The following TTN variants were observed in gnomAD, a reference collection of about 807,000 sequenced individuals.
TTN encodes connectin.
In TTN, 1,525 loss-of-function variants were observed where a neutral mutation model predicts 3,223.0. That is an observed-to-expected ratio of 0.47 (90% CI 0.45 to 0.49). The LOEUF (loss-of-function observed/expected upper bound fraction) is 0.49. Among genes scored for constraint, TTN ranks in the 20% least tolerant of loss-of-function variants. The pLI is 0.00. For synonymous variants in TTN, 14,094 were observed against 15,161.0 expected (o/e 0.93, Z 5.17); for missense variants, 40,786 against 43,424.0 (o/e 0.94, Z 5.40).
intron 78 of TTN, among the ~76,000 whole-genome samples, chr2:178,721,520 A>T (rs2154301283): frequency 6.6e-6 from 1 of 152,096 alleles, no homozygotes; most frequent in East Asian, 1.9e-4. Flanking sequence ...TGTATTATAG[A>T]TGTATTTGAT....
In TTN at chr2:178,611,581, G is replaced by T. The variant is rs758756600; in HGVS notation, c.50648C>A (p.Pro16883His). Residue 16883 changes from proline to histidine, a missense_variant, in exon 269 of 363, where the codon CCT becomes CAT. By Grantham distance (77) the Pro-to-His change is moderately conservative. Transcript: ENST00000589042. ...CATTTCAACATGGTATCCTATGATAGGACTTCCACCATTTTTCTCTGGAGG... is the reference window on the plus strand; with the variant it reads ...CATTTCAACATGGTATCCTATGATATGACTTCCACCATTTTTCTCTGGAGG... ...WKPPEKNGGS[P>H]IIGYHVEMCP... The T allele has an allele frequency of 9.3e-6, 15 of 1,612,856 alleles. No homozygotes were observed. The highest frequency in any genetic ancestry group is 3.3e-4 in the Middle Eastern group (2 of 6,076).
In TTN at chr2:178,545,986, A is replaced by G. The variant is rs778436587; in HGVS notation, c.95250T>C (p.Thr31750=). Residue 31750 remains threonine (T), a synonymous_variant, in exon 343 of 363, where the codon ACT becomes ACC. Transcript: ENST00000589042. The part of the protein sequence containing the change: ...ITHYIVERRE[T]SRLNWVIVEG... ...CAACAATCACCCAGTTGAGCCTGCT[A>G]GTCTCGCGTCTTTCCACGATGTAGT... is the stretch of plus-strand genomic sequence containing the variant. 1 of 1,613,816 alleles carries G rather than the reference A, an allele frequency of 6.2e-7. No individual in the cohort carries two copies. The highest frequency in any genetic ancestry group is 1.1e-5 in the South Asian group (1 of 91,090).
At position 178,591,073 on chromosome 2, in the gene TTN, T is replaced by C. The variant is rs766630391; in HGVS notation, c.60652A>G (p.Thr20218Ala). The C allele has an allele frequency of 8.1e-6, 13 of 1,613,404 alleles. No homozygotes were observed. Among genetic ancestry groups the C allele is most frequent in the Non-Finnish European group, 1.1e-5 (13 of 1,179,576 alleles). ...IVEKQDTRKD[T>A]WGVVSSGSSK... ...CTTCCGGAAGAGACAACACCCCACG[T>C]GTCTTTCCTTGTATCTTGTTTCTCA... Residue 20218 changes from threonine to alanine, a missense_variant, in exon 304 of 363, where the codon ACG becomes GCG. Coordinates refer to ENST00000589042, the MANE Select transcript of TTN (RefSeq NM_001267550.2).
Position 178,567,410 on chromosome 2 carries a change from T to C in TTN, c.78722A>G (p.Glu26241Gly). 1 of 1,603,848 alleles carries C rather than the reference T, an allele frequency of 6.2e-7. No homozygotes were observed. Among genetic ancestry groups the C allele is most frequent in the Non-Finnish European group, 8.5e-7 (1 of 1,175,774 alleles). Residue 26241 changes from glutamate to glycine, a missense_variant, in exon 326 of 363, where the codon GAA becomes GGA. By Grantham distance (98) the Glu-to-Gly change is moderately conservative. Transcript: ENST00000589042. ...DKEIEESARC[E>G]IKNTDFKALL... The stretch of plus-strand genomic sequence containing the variant: ...AGCCTTGAAATCTGTGTTCTTTATT[T>C]CACATCTAGCAGATTCTTCAATTTC...
rs886055271 is a variant in TTN, at chr2:178,616,783, T to G, written c.48106A>C (p.Lys16036Gln). Residue 16036 changes from lysine (K) to glutamine (Q), a missense_variant, in exon 256 of 363, where the codon AAA (lysine) becomes CAA (glutamine). Coordinates refer to ENST00000589042, the MANE Select transcript of TTN (RefSeq NM_001267550.2). ...ERSDKGIYTL[K>Q]LENRVKTISG... is the part of the protein sequence containing the mutation. ...ATTGTTTTCACACGGTTTTCTAATTTCAGTGTATAAATGCCCTTGTCTGAA... is the reference window on the plus strand; with the variant it reads ...ATTGTTTTCACACGGTTTTCTAATTGCAGTGTATAAATGCCCTTGTCTGAA... 4.3e-6 allele frequency: 7 copies of G among 1,612,800 alleles called. No homozygotes were observed. Among genetic ancestry groups the G allele is most frequent in the East Asian group, 2.2e-5 (1 of 44,748 alleles).
In TTN at chr2:178,561,378, G is replaced by A. The variant is rs780908799; in HGVS notation, c.84754C>T (p.Pro28252Ser). 4 of 1,613,768 alleles carry A rather than the reference G, an allele frequency of 2.5e-6. No homozygotes were observed. Among genetic ancestry groups the A allele is most frequent in the Non-Finnish European group, 3.4e-6 (4 of 1,179,782 alleles). The change falls in exon 326 of 363, where the codon CCT becomes TCT. Residue 28252 changes from proline to serine, a missense_variant. Transcript: ENST00000589042. ...KSCEPVPARDPCDPPGQPEVT... is the reference protein window; with the variant it reads ...KSCEPVPARDSCDPPGQPEVT... ...TCAGGTTGTCCAGGAGGGTCACAAG[G>A]ATCTCTTGCAGGGACTGGTTCACAA... is the stretch of plus-strand genomic sequence containing the variant.
rs781596826 is a variant in TTN, at chr2:178,591,581, T to A, written c.60220+18A>T. On this transcript the variant is annotated intron_variant, in intron 303 of 362. Coordinates refer to ENST00000589042, the MANE Select transcript of TTN (RefSeq NM_001267550.2). ...ATTTTAAAAAGAAATAAGGTAATAC[T>A]GCTAGTCCAAAAATTACCTAGTTTT... 2 of 1,608,232 alleles carry A rather than the reference T, an allele frequency of 1.2e-6. No homozygotes were observed. The highest frequency in any genetic ancestry group is 2.7e-5 in the African/African-American group (2 of 74,588).
In TTN at chr2:178,663,365, T is replaced by C; in HGVS notation, c.36617-16A>G. ...ACCTCTGGGACTTTAAAGATATTAGTATTTTCATTATTAGACAAAGTAAAG... is the reference window on the plus strand; with the variant it reads ...ACCTCTGGGACTTTAAAGATATTAGCATTTTCATTATTAGACAAAGTAAAG... On this transcript the variant is annotated splice_polypyrimidine_tract_variant and intron_variant, in intron 172 of 362. Coordinates refer to ENST00000589042, the MANE Select transcript of TTN (RefSeq NM_001267550.2). The C allele has an allele frequency of 1.2e-6, 2 of 1,601,120 alleles. No individual in the cohort carries two copies. The highest frequency in any genetic ancestry group is 2.3e-5 in the South Asian group (2 of 88,858).
Position 178,769,957 on chromosome 2 carries a change from GCACTT to G in TTN, c.8642-23_8642-19del. 1 of 1,614,058 alleles carries G rather than the reference GCACTT, an allele frequency of 6.2e-7. No homozygotes were observed. The highest frequency in any genetic ancestry group is 8.5e-7 in the Non-Finnish European group (1 of 1,179,996). ...ATGTAATGCTTGGTAAAATCAAAGA[GCACTT>G]CAGTTAATACAATTTGTTTAAAAAG... On this transcript the variant is annotated intron_variant, in intron 36 of 362. Coordinates refer to ENST00000589042, the MANE Select transcript of TTN (RefSeq NM_001267550.2).
chr2:178,680,123 C>T, intron 139 of TTN, 68 bp from the exon 140 acceptor site: 1 of 1,590,638 alleles, frequency 6.3e-7, no homozygotes, highest in South Asian at 1.1e-5. Flanking sequence ...ACCTTAGAAA[C>T]ACAGGCCCAT....
chr2:178,595,671 C>T lies in TTN; in HGVS notation c.57683G>A (p.Arg19228His), dbSNP rs114711705. 639 of 1,608,190 alleles carry T rather than the reference C, an allele frequency of 4.0e-4. 1 individual carries two copies. In the African/African-American group the frequency reaches 7.7e-3, roughly 19 times the overall value. The stretch of plus-strand genomic sequence containing the variant: ...ATATGTCACTGGGGTCCATGCTCTG[C>T]GGTCAGATTCACGCTTTTCAATGAC... ...NYVIEKRESD[R>H]RAWTPVTYTV... is the part of the protein sequence containing the mutation. The change falls in exon 295 of 363, where the codon CGC becomes CAC. Residue 19228 changes from arginine (R) to histidine (H), a missense_variant. Transcript: ENST00000589042.
chr2:178,615,603 A>C, intron 258 of TTN, 38 bp downstream of exon 258: 1 of 1,610,686 alleles, frequency 6.2e-7, no homozygotes, highest in South Asian at 1.1e-5. Flanking sequence ...AAAAACAGGC[A>C]ACAAGATTAG....
At position 178,689,381 on chromosome 2, in the gene TTN, G is replaced by C; in HGVS notation, c.31928-8C>G. The C allele has an allele frequency of 6.2e-7, 1 of 1,613,572 alleles. No individual in the cohort carries two copies. The highest frequency in any genetic ancestry group is 8.5e-7 in the Non-Finnish European group (1 of 1,179,714). ...TCTTTGGTATTTCTGGCACTTAAAGGATAGTATTGAATTTTAAAATTTGTC... is the reference window on the plus strand; with the variant it reads ...TCTTTGGTATTTCTGGCACTTAAAGCATAGTATTGAATTTTAAAATTTGTC... On this transcript the variant is annotated splice_polypyrimidine_tract_variant and splice_region_variant and intron_variant, in intron 123 of 362. Coordinates refer to ENST00000589042, the MANE Select transcript of TTN (RefSeq NM_001267550.2).
In TTN at chr2:178,732,897, A is replaced by C. The variant is rs776697030; in HGVS notation, c.16279T>G (p.Phe5427Val). The part of the protein sequence containing the change: ...IRVDMNDAGN[F>V]TCRATNSVGS... ...ACGGAATTTGTGGCTCGACAAGTGA[A>C]ATTCCCTGCATCATTCATGTCTACT... The change falls in exon 55 of 363, where the codon TTC (phenylalanine) becomes GTC (valine). Residue 5427 changes from phenylalanine (F) to valine (V), a missense_variant. Transcript: ENST00000589042. 1.9e-6 allele frequency: 3 copies of C among 1,613,302 alleles called. No individual in the cohort carries two copies. The Admixed American group carries it at 5.0e-5, about 27-fold the overall frequency.
intron 6 of TTN, among the ~76,000 whole-genome samples, chr2:178,797,375 T>C (rs1315755182): frequency 6.9e-6 from 1 of 145,084 alleles, no homozygotes. Context: ...TAGCATTTTT[T>C]TTCACATGTT....
intron 346 of TTN, 26 bp downstream of exon 346, chr2:178,543,808 T>G (rs753817925): frequency 1.9e-6 from 3 of 1,610,666 alleles, no homozygotes; most frequent in Non-Finnish European, 2.5e-6. Context: ...ACTCATTGTA[T>G]AGCCAATTTT....
Position 178,588,190 on chromosome 2 carries a change from C to T in TTN, c.63217G>A (p.Val21073Met), listed in dbSNP as rs777982485. 3 of 1,586,392 alleles carry T rather than the reference C, an allele frequency of 1.9e-6. No homozygotes were observed. The highest frequency in any genetic ancestry group is 1.7e-5 in the Admixed American group (1 of 58,600). Residue 21073 changes from valine to methionine, a missense_variant, in exon 305 of 363, where the codon GTG becomes ATG. Transcript: ENST00000589042. The part of the protein sequence containing the change: ...EPPGPPTNFR[V>M]VDTTKHSITL... Reference sequence around the variant, plus strand: ...ATGGAATGTTTGGTTGTATCAACCACTCTGAAATTGGTTGGTGGACCAGGT... The same window carrying T: ...ATGGAATGTTTGGTTGTATCAACCATTCTGAAATTGGTTGGTGGACCAGGT...
At position 178,729,412 on chromosome 2, in the gene TTN, G is replaced by C; in HGVS notation, c.18744C>G (p.Thr6248=). The C allele has an allele frequency of 6.2e-7, 1 of 1,613,560 alleles. No individual in the cohort carries two copies. Among genetic ancestry groups the C allele is most frequent in the Non-Finnish European group, 8.5e-7 (1 of 1,179,652 alleles). Residue 6248 remains threonine, a synonymous_variant, in exon 64 of 363, where the codon ACC becomes ACG. Transcript: ENST00000589042. ...EIRSSKKYTL[T]DRVSVFNLHI... is the part of the protein sequence containing the mutation. Reference sequence around the variant, plus strand: ...GGAGGTTAAACACAGACACTCTGTCGGTCAATGTGTATTTTTTGCTGCTTC... The same window carrying C: ...GGAGGTTAAACACAGACACTCTGTCCGTCAATGTGTATTTTTTGCTGCTTC...
intron 242 of TTN, among the ~76,000 whole-genome samples, chr2:178,623,929 ATCT>A (rs2058667995): frequency 6.6e-6 from 1 of 151,922 alleles, no homozygotes; most frequent in South Asian, 2.1e-4. Context: ...GCCTCACTCC[ATCT>A]TCTTATCCAT....
Sources: allele counts gnomAD v4.1 joint callset (sites outside exome capture counted in the v4.1 genomes callset), GRCh38; gene constraint gnomAD v4.1.1; transcripts MANE v1.5; gene names NCBI Gene and HGNC (gene_info 2026-07-23, HGNC 2026-07-21).